NACC2: variants seen among roughly 807,000 people sequenced by gnomAD.
The protein encoded by NACC2 is nucleus accumbens-associated protein 2.
Under a neutral mutation model 25.1 loss-of-function variants are expected in NACC2, and 8 were observed. The ratio of observed to expected loss-of-function variants is 0.32; its 90% CI spans 0.19 to 0.57. The LOEUF is 0.57. NACC2 is among the 20% of genes least tolerant of loss of function. The pLI is 0.89. For synonymous variants in NACC2, 435 were observed against 294.7 expected (o/e 1.48, Z -4.88); for missense variants, 644 against 650.2 (o/e 0.99, Z 0.10).
At chr9:136,021,343 C>T (rs1473306163) in intron 2 of NACC2, among the ~76,000 whole-genome samples, 1 of 152,012 alleles carries the variant, frequency 6.6e-6, no homozygotes, top group Non-Finnish European at 1.5e-5. Flanking sequence ...CCTCCCAGTG[C>T]GGGAAACGTA....
intron 2 of NACC2, among the ~76,000 whole-genome samples, chr9:136,042,955 G>C (rs1037473262): frequency 1.5e-5 from 2 of 136,290 alleles, no homozygotes; most frequent in Admixed American, 7.4e-5. Context: ...GACACACACA[G>C]ACACACAGAG....
chr9:136,085,147 T>TTC (rs1830365277), intron 1 of NACC2, among the ~76,000 whole-genome samples: 1 of 122,230 alleles, frequency 8.2e-6, no homozygotes, highest in Non-Finnish European at 1.8e-5. Flanking sequence ...ATTTTTTTTT[T>TTC]TTTTTTTTTT....
intron 2 of NACC2, among the ~76,000 whole-genome samples, chr9:136,047,746 G>T (rs967920261): frequency 6.6e-6 from 1 of 152,110 alleles, no homozygotes; most frequent in Non-Finnish European, 1.5e-5. Context: ...TCCTGGCTGC[G>T]GTCCTGCTGA....
chr9:136,077,379 A>AAAAC (rs147814280), intron 1 of NACC2, among the ~76,000 whole-genome samples: 2 of 152,150 alleles, frequency 1.3e-5, no homozygotes, highest in African/African-American at 4.8e-5. Flanking sequence ...GGCCTTTGGC[A>AAAAC]AAACAAACAA....
intron 5 of NACC2, 52 bp from the exon 6 acceptor site, chr9:136,012,076 C>G (rs765378458): frequency 2.7e-6 from 4 of 1,464,994 alleles, no homozygotes; most frequent in Admixed American, 4.4e-5. Context: ...GGGAGGCCCG[C>G]CCCTCCCCAA....
intron 2 of NACC2, among the ~76,000 whole-genome samples, chr9:136,029,633 C>T (rs944628378): frequency 6.6e-6 from 1 of 152,204 alleles, no homozygotes; most frequent in Non-Finnish European, 1.5e-5. Context: ...TTCTTTGGGG[C>T]TCTGCAGTTC....
In NACC2 at chr9:136,013,209, G is replaced by T; in HGVS notation, c.1245C>A (p.Asn415Lys). Residue 415 changes from asparagine to lysine, a missense_variant, in exon 5 of 6, where the codon AAC (asparagine) becomes AAA (lysine). Coordinates refer to ENST00000277554, the MANE Select transcript of NACC2 (RefSeq NM_144653.5). The surrounding 1 kb of genome is among the most constrained non-coding windows in gnomAD (Gnocchi z 6.6). ...CCCCCAGGCTCTTACATTTCACAGCGTTCAGGACCCGGCTGTCCAGCGGCT... is the reference window on the plus strand; with the variant it reads ...CCCCCAGGCTCTTACATTTCACAGCTTTCAGGACCCGGCTGTCCAGCGGCT... ...SRKPLDSRVL[N>K]AVKLYCQNFA... The T allele has an allele frequency of 7.1e-7, 1 of 1,410,208 alleles. No homozygotes were observed. Among genetic ancestry groups the T allele is most frequent in the Non-Finnish European group, 9.6e-7 (1 of 1,047,064 alleles). The allele number at this position is 1,410,208 out of a possible 1,614,324, so 87.4% of individuals were successfully genotyped here.
intron 1 of NACC2, among the ~76,000 whole-genome samples, chr9:136,070,770 G>GA (rs1330898397): frequency 5.3e-5 from 8 of 150,700 alleles, no homozygotes; most frequent in South Asian, 2.1e-4. Context: ...AACAGAGGAG[G>GA]AAAAAAATCA....
At chr9:136,042,494 G>A (rs2131155545) in intron 2 of NACC2, among the ~76,000 whole-genome samples, 1 of 152,254 alleles carries the variant, frequency 6.6e-6, no homozygotes, top group Non-Finnish European at 1.5e-5. Context: ...TGGAGACCTG[G>A]TGCTGCAATG....
At chr9:136,059,957 G>A (rs1019128734) in intron 1 of NACC2, among the ~76,000 whole-genome samples, 1 of 152,202 alleles carries the variant, frequency 6.6e-6, no homozygotes, top group African/African-American at 2.4e-5. Flanking sequence ...CCCTCCTCAG[G>A]GCGCACGGGG....
Position 136,020,969 on chromosome 9 carries a change from G to A in NACC2, c.887-4540C>T, listed in dbSNP as rs1840282717. ...CAAAAACTGCAGAAGGTCTTTATGA[G>A]CTTAGGTTAAGCTAAAGTCTTAGAC... On this transcript the variant is annotated intron_variant, in intron 2 of 5. Coordinates refer to ENST00000277554, the MANE Select transcript of NACC2 (RefSeq NM_144653.5). The surrounding 1 kb of genome is among the most constrained non-coding windows in gnomAD (Gnocchi z 4.7). 6.6e-6 allele frequency among the ~76,000 whole-genome samples: 1 copy of A among 152,112 alleles called. No homozygotes were observed. Among genetic ancestry groups the A allele is most frequent in the African/African-American group, 2.4e-5 (1 of 41,398 alleles).
At chr9:136,062,664 C>T (rs991113038) in intron 1 of NACC2, among the ~76,000 whole-genome samples, 4 of 152,212 alleles carry the variant, frequency 2.6e-5, no homozygotes, top group Admixed American at 6.5e-5. Flanking sequence ...CCTGTAATCC[C>T]AACATTTTGG....
rs1335897294 is a variant in NACC2, at chr9:136,011,532, T to C, written c.1748A>G (p.Tyr583Cys). Residue 583 changes from tyrosine (Y) to cysteine (C), a missense_variant, in exon 6 of 6, where the codon TAT becomes TGT. Tyr to Cys is a radical substitution (Grantham distance 194, BLOSUM62 -2). Transcript: ENST00000277554. ...AAAARRPEGTYAGTL is the reference protein window; with the variant it reads ...AAAARRPEGTCAGTL ...CAGCTCCGCTTACAAGGTCCCTGCA[T>C]AGGTGCCCTCCGGCCTCCGGGCCGC... is the stretch of plus-strand genomic sequence containing the variant. 4.3e-6 allele frequency: 6 copies of C among 1,407,364 alleles called. No homozygotes were observed. The highest frequency in any genetic ancestry group is 5.5e-6 in the Non-Finnish European group (6 of 1,086,878). The allele number at this position is 1,407,364 out of a possible 1,614,324, so 87.2% of individuals were successfully genotyped here.
At chr9:136,060,446 G>A (rs1840992696) in intron 1 of NACC2, among the ~76,000 whole-genome samples, 1 of 152,252 alleles carries the variant, frequency 6.6e-6, no homozygotes, top group Non-Finnish European at 1.5e-5. Context: ...AATGGCAACT[G>A]TGAAACTGTG....
chr9:136,067,885 G>T (rs1841106300), intron 1 of NACC2, among the ~76,000 whole-genome samples: 1 of 152,226 alleles, frequency 6.6e-6, no homozygotes, highest in African/African-American at 2.4e-5. Context: ...CTGTGGTTAG[G>T]CTATATGGCA....
chr9:136,016,723 ATGAGCTGC>A (rs1315361316), intron 2 of NACC2, among the ~76,000 whole-genome samples: 2 of 152,172 alleles, frequency 1.3e-5, no homozygotes, highest in African/African-American at 4.8e-5. Context: ...GGCCCAGGGA[ATGAGCTGC>A]TGAGGGCTGA....
At position 136,086,648 on chromosome 9, in the gene NACC2, A is replaced by G. The variant is rs1830381293; in HGVS notation, c.-60+8541T>C. On this transcript the variant is annotated intron_variant, in intron 1 of 5. Transcript: ENST00000277554. The surrounding 1 kb of genome is among the most constrained non-coding windows in gnomAD (Gnocchi z 5.6). ...AAACTGGGTTACAATAATTAACACG[A>G]ATCCTGTTCCCAAACTTACATAACC... Among the ~76,000 whole-genome samples, 1 of 152,200 alleles carries G rather than the reference A, an allele frequency of 6.6e-6. No individual in the cohort carries two copies. The highest frequency in any genetic ancestry group is 1.5e-5 in the Non-Finnish European group (1 of 68,040).
intron 1 of NACC2, among the ~76,000 whole-genome samples, chr9:136,093,406 G>A (rs948819136): frequency 2.6e-5 from 4 of 152,186 alleles, no homozygotes; most frequent in African/African-American, 9.7e-5. Context: ...CGGTGGTAAA[G>A]AACAGAGCCT....
rs376720345 is a variant in NACC2, at chr9:136,011,811, A to G, written c.1469T>C (p.Val490Ala). The change falls in exon 6 of 6, where the codon GTG (valine) becomes GCG (alanine). Residue 490 changes from valine to alanine, a missense_variant. Coordinates refer to ENST00000277554, the MANE Select transcript of NACC2 (RefSeq NM_144653.5). ...DPEFPPAAAQ[V>A]FEQRIYAERR... ...CTCGGCGTAGATGCGTTGCTCGAAC[A>G]CCTGTGCCGCGGCAGGCGGGAACTC... The G allele has an allele frequency of 2.5e-4, 401 of 1,578,448 alleles. No homozygotes were observed. The highest frequency in any genetic ancestry group is 2.2e-3 in the Middle Eastern group (13 of 6,008).
Sources: allele counts gnomAD v4.1 joint callset (sites outside exome capture counted in the v4.1 genomes callset), GRCh38; gene constraint gnomAD v4.1.1; non-coding constraint Gnocchi (gnomAD v3.1); transcripts MANE v1.5; gene names NCBI Gene and HGNC (gene_info 2026-07-23, HGNC 2026-07-21).